SLIT3: variants seen among roughly 807,000 people sequenced by gnomAD.
SLIT3 encodes slit guidance ligand 3.
Under a neutral mutation model 184.0 loss-of-function variants are expected in SLIT3, and 68 were observed. That is an observed-to-expected ratio of 0.37 (90% confidence interval 0.30 to 0.45). The LOEUF (loss-of-function observed/expected upper bound fraction) is 0.45. Among genes scored for constraint, SLIT3 ranks in the 20% least tolerant of loss-of-function variants. The pLI is 1.00. For synonymous variants in SLIT3, 831 were observed against 828.6 expected, an observed-to-expected ratio of 1.00 and a Z score of -0.05; for missense variants, 1,707 against 2,026.0, an observed-to-expected ratio of 0.84 and a Z score of 3.02.
At chr5:169,119,600 C>T (rs573275451) in intron 4 of SLIT3, among the ~76,000 whole-genome samples, 1 of 152,194 alleles carries the variant, frequency 6.6e-6, no homozygotes, top group Admixed American at 6.5e-5. Flanking sequence ...AGGCTGGCAG[C>T]AGCAGCAGCA....
At chr5:169,275,991 CTGTG>C (rs1320339620) in intron 1 of SLIT3, among the ~76,000 whole-genome samples, 3 of 152,052 alleles carry the variant, frequency 2.0e-5, no homozygotes, top group Admixed American at 1.3e-4. Flanking sequence ...GTGTGCATGT[CTGTG>C]TGTATGTCAG....
At chr5:169,029,199 C>T (rs908570017) in intron 4 of SLIT3, among the ~76,000 whole-genome samples, 3 of 152,240 alleles carry the variant, frequency 2.0e-5, no homozygotes, top group Non-Finnish European at 4.4e-5. Flanking sequence ...GCATAGCTGA[C>T]TTAGGAAACA....
At chr5:169,112,391 A>G (rs1760444570) in intron 4 of SLIT3, among the ~76,000 whole-genome samples, 1 of 152,140 alleles carries the variant, frequency 6.6e-6, no homozygotes, top group African/African-American at 2.4e-5. Context: ...ACGTTCCTTA[A>G]TTAAGTTCTC....
chr5:168,741,573 C>T (rs868717012), intron 20 of SLIT3, among the ~76,000 whole-genome samples: 40 of 149,534 alleles, frequency 2.7e-4, no homozygotes, highest in African/African-American at 8.9e-4. Flanking sequence ...GGAAAGAAAA[C>T]AAACAGTGAA....
intron 14 of SLIT3, among the ~76,000 whole-genome samples, chr5:168,770,891 C>G (rs542622108): frequency 5.3e-5 from 8 of 152,052 alleles, no homozygotes; most frequent in African/African-American, 1.9e-4. Flanking sequence ...ATAGCCCCAC[C>G]CCCACCTTGC....
intron 3 of SLIT3, among the ~76,000 whole-genome samples, chr5:169,203,885 G>A (rs1284462881): frequency 6.6e-6 from 1 of 152,138 alleles, no homozygotes; most frequent in African/African-American, 2.4e-5. Context: ...GTTGGGGGCA[G>A]ATTTGGATAT....
intron 5 of SLIT3, among the ~76,000 whole-genome samples, chr5:168,849,253 T>TG (rs1344309705): frequency 6.6e-6 from 1 of 152,196 alleles, no homozygotes; most frequent in Non-Finnish European, 1.5e-5. Flanking sequence ...CCAGATGTTC[T>TG]GGGGGCCCAG....
intron 29 of SLIT3, among the ~76,000 whole-genome samples, chr5:168,688,135 C>A (rs1761802588): frequency 6.6e-6 from 1 of 152,230 alleles, no homozygotes; most frequent in Non-Finnish European, 1.5e-5. Context: ...GGGGCTGAGT[C>A]ACAGAGGCTT....
chr5:168,726,685 T>C (rs1233310730), intron 20 of SLIT3, among the ~76,000 whole-genome samples: 2 of 151,816 alleles, frequency 1.3e-5, no homozygotes, highest in African/African-American at 2.4e-5. Flanking sequence ...AAAGATGCAG[T>C]TGAAGAGCCA....
intron 4 of SLIT3, among the ~76,000 whole-genome samples, chr5:169,135,214 C>T (rs751308579): frequency 6.6e-6 from 1 of 152,190 alleles, no homozygotes; most frequent in Non-Finnish European, 1.5e-5. Flanking sequence ...TCAAGCAATT[C>T]TCCTGTCTCA....
intron 3 of SLIT3, among the ~76,000 whole-genome samples, chr5:169,212,755 CT>C (rs1467266431): frequency 1.3e-5 from 2 of 152,160 alleles, no homozygotes; most frequent in African/African-American, 2.4e-5. Context: ...GGTTTTAGGT[CT>C]AATGTTTAAG....
chr5:168,934,691 C>A (rs942907704), intron 4 of SLIT3, among the ~76,000 whole-genome samples: 1 of 152,176 alleles, frequency 6.6e-6, no homozygotes, highest in Non-Finnish European at 1.5e-5. Context: ...GAAAGGGGAG[C>A]ACTTCTGCAA....
At chr5:168,939,475 A>G (rs1188171931) in intron 4 of SLIT3, among the ~76,000 whole-genome samples, 2 of 152,242 alleles carry the variant, frequency 1.3e-5, no homozygotes, top group East Asian at 1.9e-4. Flanking sequence ...TAGATTCTAT[A>G]AAGGAAGGCT....
intron 5 of SLIT3, 125 bp from the exon 6 acceptor site, chr5:168,844,780 C>T (rs1006965317): frequency 1.1e-5 from 8 of 737,154 alleles, no homozygotes; most frequent in African/African-American, 1.7e-5. Context: ...GCCAGGAGCT[C>T]GTGCAGAGCC....
intron 35 of SLIT3, among the ~76,000 whole-genome samples, chr5:168,668,479 A>G (rs1761125474): frequency 6.6e-6 from 1 of 152,220 alleles, no homozygotes; most frequent in East Asian, 1.9e-4. Context: ...AACCATCCAG[A>G]CTGCTCATGT....
chr5:169,254,484 CTTTT>C (rs34928753), intron 1 of SLIT3, among the ~76,000 whole-genome samples: 2 of 146,976 alleles, frequency 1.4e-5, no homozygotes, highest in Non-Finnish European at 3.0e-5. Context: ...TTCTTTCTTT[CTTTT>C]TTTTTTTTAA....
chr5:169,093,556 A>G (rs1759666907), intron 4 of SLIT3, among the ~76,000 whole-genome samples: 1 of 152,200 alleles, frequency 6.6e-6, no homozygotes, highest in Admixed American at 6.5e-5. Context: ...AAATGTTCTC[A>G]GATTTCTCTG....
At chr5:169,022,122 T>A (rs1756621421) in intron 4 of SLIT3, 1 of 152,272 alleles carries the variant, frequency 6.6e-6, no homozygotes. Context: ...CTTGCCTCCA[T>A]GCCACTGCAG....
At chr5:169,297,317 C>A (rs534705053) in intron 1 of SLIT3, among the ~76,000 whole-genome samples, 10 of 152,156 alleles carry the variant, frequency 6.6e-5, no homozygotes, top group African/African-American at 2.2e-4. Context: ...GAACACAGAC[C>A]CCCCAATTCT....
Sources: allele counts gnomAD v4.1 joint callset (sites outside exome capture counted in the v4.1 genomes callset), GRCh38; gene constraint gnomAD v4.1.1; transcripts MANE v1.5; gene names NCBI Gene and HGNC (gene_info 2026-07-23, HGNC 2026-07-21).